Variants in NUBPL observed in about 807,000 individuals in gnomAD.
The protein encoded by NUBPL is NUBP iron-sulfur cluster assembly factor, mitochondrial.
A neutral mutation model predicts 45.7 loss-of-function variants in NUBPL; 31 were observed. That is an observed-to-expected ratio of 0.68 (90% CI 0.51 to 0.92). The LOEUF (loss-of-function observed/expected upper bound fraction) is 0.92, where lower values mean the gene tolerates loss of function less well. NUBPL is among the 40% of genes least tolerant of loss of function. The probability of loss-of-function intolerance (pLI) is 0.00; values close to 1 mark genes in which losing one functional copy is unlikely to be tolerated. For missense variants in NUBPL, 401 were observed against 398.7 expected (o/e 1.01, Z -0.05); for synonymous variants, 144 against 140.9 (o/e 1.02, Z -0.15).
intron 3 of NUBPL, among the ~76,000 whole-genome samples, chr14:31,592,182 G>T (rs773367716): frequency 6.6e-5 from 10 of 152,178 alleles, no homozygotes; most frequent in Non-Finnish European, 1.3e-4. Flanking sequence ...TGGGGCAAAG[G>T]CCAATAGGTG....
At chr14:31,763,131 G>A (rs1301740766) in intron 6 of NUBPL, among the ~76,000 whole-genome samples, 1 of 152,152 alleles carries the variant, frequency 6.6e-6, no homozygotes, top group Non-Finnish European at 1.5e-5. Flanking sequence ...TGGGGATGAA[G>A]GTTACTGTTC....
intron 4 of NUBPL, among the ~76,000 whole-genome samples, chr14:31,655,541 C>T (rs1233080304): frequency 1.3e-5 from 2 of 152,078 alleles, no homozygotes; most frequent in Non-Finnish European, 2.9e-5. Context: ...GGCAAAACCC[C>T]GTCTCTACTG....
intron 6 of NUBPL, among the ~76,000 whole-genome samples, chr14:31,683,018 C>CTT (rs34251298): frequency 0.1 from 13,461 of 133,972 alleles, 1,834 homozygotes; most frequent in African/African-American, 0.31. Context: ...TGCTAGGTTC[C>CTT]TTTTTTTTTT....
intron 4 of NUBPL, among the ~76,000 whole-genome samples, chr14:31,623,023 A>G (rs896989507): frequency 6.6e-6 from 1 of 152,296 alleles, no homozygotes; most frequent in South Asian, 2.1e-4. Flanking sequence ...CAGGGGCTGT[A>G]CTCTGCAGAG....
intron 6 of NUBPL, among the ~76,000 whole-genome samples, chr14:31,751,989 G>A (rs564144514): frequency 1.3e-5 from 2 of 152,296 alleles, no homozygotes; most frequent in South Asian, 4.1e-4. Context: ...GCCTCTTTTA[G>A]CCATGGCTGG....
intron 3 of NUBPL, among the ~76,000 whole-genome samples, chr14:31,596,108 A>G (rs924762077): frequency 6.6e-6 from 1 of 151,936 alleles, no homozygotes; most frequent in Non-Finnish European, 1.5e-5. Context: ...GGGTTTCACC[A>G]TGTTAGCCAG....
intron 4 of NUBPL, among the ~76,000 whole-genome samples, chr14:31,641,117 A>G (rs1308341639): frequency 2.0e-5 from 3 of 151,924 alleles, no homozygotes; most frequent in African/African-American, 4.8e-5. Flanking sequence ...ACGCCCAGCT[A>G]ATTTTTGTAT....
chr14:31,702,252 G>A (rs10131398), intron 6 of NUBPL, among the ~76,000 whole-genome samples: 12,694 of 152,234 alleles, frequency 0.083, 624 homozygotes, highest in African/African-American at 0.14. Flanking sequence ...ATGATAATAC[G>A]GGTGTAGCAT....
At chr14:31,746,863 A>G (rs563936828) in intron 6 of NUBPL, among the ~76,000 whole-genome samples, 2 of 151,978 alleles carry the variant, frequency 1.3e-5, no homozygotes, top group Non-Finnish European at 1.5e-5. Flanking sequence ...TGAGCTCAGA[A>G]GCTTGAGACC....
At chr14:31,667,402 G>A (rs2036459332) in intron 4 of NUBPL, among the ~76,000 whole-genome samples, 1 of 151,786 alleles carries the variant, frequency 6.6e-6, no homozygotes, top group Non-Finnish European at 1.5e-5. Flanking sequence ...AGCACCATCA[G>A]GTCATTTATC....
chr14:31,594,590 T>G (rs1474317343), intron 3 of NUBPL, among the ~76,000 whole-genome samples: 1 of 152,136 alleles, frequency 6.6e-6, no homozygotes, highest in African/African-American at 2.4e-5. Context: ...GTGTTTTCTC[T>G]TTTTTCCTGA....
chr14:31,830,819 T>A (rs998526948), intron 8 of NUBPL, among the ~76,000 whole-genome samples: 1 of 152,162 alleles, frequency 6.6e-6, no homozygotes, highest in African/African-American at 2.4e-5. Context: ...CCCCAACTCA[T>A]GGGCTACTCT....
intron 3 of NUBPL, chr14:31,578,133 T>C: frequency 2.0e-6 from 1 of 504,422 alleles, no homozygotes; most frequent in Non-Finnish European, 3.7e-6. Context: ...CATTTTGACT[T>C]GGGAGAACTA....
intron 7 of NUBPL, among the ~76,000 whole-genome samples, chr14:31,812,126 G>T (rs959977461): frequency 6.6e-6 from 1 of 152,218 alleles, no homozygotes; most frequent in African/African-American, 2.4e-5. Context: ...TGGTCTGTCT[G>T]TTCTCAGAGT....
intron 4 of NUBPL, among the ~76,000 whole-genome samples, chr14:31,629,292 T>C (rs539457878): frequency 6.6e-6 from 1 of 152,248 alleles, no homozygotes; most frequent in East Asian, 1.9e-4. Flanking sequence ...TTTATTAAAG[T>C]GATGTGGAAG....
intron 4 of NUBPL, among the ~76,000 whole-genome samples, chr14:31,672,802 C>T (rs930446163): frequency 6.6e-6 from 1 of 152,078 alleles, no homozygotes; most frequent in African/African-American, 2.4e-5. Context: ...AATTATGTCC[C>T]AACTATTTAT....
chr14:31,825,588 C>T (rs545012343), intron 7 of NUBPL, among the ~76,000 whole-genome samples: 56 of 151,694 alleles, frequency 3.7e-4, no homozygotes, highest in Admixed American at 2.3e-3. Context: ...ATAACCTCCT[C>T]CTTCTCCTCC....
At chr14:31,818,269 G>C (rs1326639373) in intron 7 of NUBPL, among the ~76,000 whole-genome samples, 1 of 152,050 alleles carries the variant, frequency 6.6e-6, no homozygotes, top group East Asian at 1.9e-4. Flanking sequence ...AATTAACAAG[G>C]GTATTCAGGA....
intron 6 of NUBPL, among the ~76,000 whole-genome samples, chr14:31,704,711 T>C (rs532821191): frequency 3.3e-5 from 5 of 152,256 alleles, no homozygotes; most frequent in African/African-American, 1.2e-4. Context: ...CTTTGTTCAC[T>C]TTTTTTCTCA....
Sources: gnomAD v4.1 joint callset for allele counts (sites outside exome capture counted in the v4.1 genomes callset) on GRCh38, gnomAD v4.1.1 for gene constraint, MANE v1.5 for transcripts, NCBI Gene and HGNC (gene_info 2026-07-23, HGNC 2026-07-21) for gene names.